Variants in SLIT1 observed in about 807,000 individuals in gnomAD.
The protein encoded by SLIT1 is slit homolog 1 protein.
A neutral mutation model predicts 186.1 loss-of-function variants in SLIT1; 66 were observed. That is an observed-to-expected ratio of 0.35 (90% CI 0.29 to 0.44). The LOEUF (loss-of-function observed/expected upper bound fraction) is 0.44, where lower values mean the gene tolerates loss of function less well. Among genes scored for constraint, SLIT1 ranks in the 20% least tolerant of loss-of-function variants. SLIT1 has a pLI of 1.00. For missense variants in SLIT1, 1,638 were observed against 2,037.4 expected (o/e 0.80, Z 3.77); for synonymous variants, 761 against 833.8 (o/e 0.91, Z 1.50).
chr10:97,041,559 C>T (rs1848690896), intron 20 of SLIT1, among the ~76,000 whole-genome samples: 1 of 151,158 alleles, frequency 6.6e-6, no homozygotes, highest in Admixed American at 6.6e-5. Flanking sequence ...GCAACCTCCA[C>T]CTCCCAAATT....
chr10:97,008,603 G>A (rs1335305309), intron 31 of SLIT1, among the ~76,000 whole-genome samples: 1 of 151,846 alleles, frequency 6.6e-6, no homozygotes, highest in Non-Finnish European at 1.5e-5. Context: ...GGCTGAGGCA[G>A]GAGAATTGCT....
chr10:97,157,770 A>T, intron 4 of SLIT1, 48 bp downstream of exon 4: 1 of 1,402,310 alleles, frequency 7.1e-7, no homozygotes, highest in Non-Finnish European at 1.0e-6. Flanking sequence ...CCACAGGGTG[A>T]GAGACAAAAC....
intron 4 of SLIT1, among the ~76,000 whole-genome samples, chr10:97,073,326 C>T (rs1377334070): frequency 7.2e-5 from 11 of 152,182 alleles, no homozygotes; most frequent in Admixed American, 5.2e-4. Context: ...TCCTCCCACG[C>T]GGCCTTGTCA....
chr10:97,169,873 C>T (rs1220098689), intron 1 of SLIT1, among the ~76,000 whole-genome samples: 1 of 152,240 alleles, frequency 6.6e-6, no homozygotes, highest in Non-Finnish European at 1.5e-5. Flanking sequence ...AAGCAACTTG[C>T]ATGGTGCCAC....
At chr10:97,051,427 G>A (rs1227300747) in intron 13 of SLIT1, among the ~76,000 whole-genome samples, 6 of 152,168 alleles carry the variant, frequency 3.9e-5, no homozygotes, top group Admixed American at 2.0e-4. Flanking sequence ...CCACTGGTGG[G>A]AATGTAAAAT....
chr10:97,138,333 G>T lies in SLIT1; in HGVS notation c.413+19485C>A, dbSNP rs978811853. Among the ~76,000 whole-genome samples, 6 of 152,236 alleles carry T rather than the reference G, an allele frequency of 3.9e-5. No homozygotes were observed. The East Asian group carries it at 1.2e-3, about 29-fold the overall frequency. ...GGCCTCCGGGTCACCTGTGCCTTCC[G>T]CAATGTACAGCTGACACCTGCATTC... is the stretch of plus-strand genomic sequence containing the variant. On this transcript the variant is annotated intron_variant, in intron 4 of 36. Transcript: ENST00000266058.
intron 31 of SLIT1, among the ~76,000 whole-genome samples, chr10:97,007,625 G>T (rs1265975347): frequency 6.6e-6 from 1 of 152,044 alleles, no homozygotes; most frequent in Non-Finnish European, 1.5e-5. Context: ...GGAATGCAAG[G>T]CTGGTTTGAC....
chr10:97,181,062 C>T lies in SLIT1; in HGVS notation c.197+4416G>A, dbSNP rs901936616. Among the ~76,000 whole-genome samples the T allele has an allele frequency of 5.3e-5, 8 of 152,326 alleles. No homozygotes were observed. In the East Asian group the frequency reaches 9.7e-4, roughly 18 times the overall value. On this transcript the variant is annotated intron_variant, in intron 1 of 36. Transcript: ENST00000266058. ...CCTCACTATCAACCTGCACAGCTGT[C>T]GTCGTCCCGTTTTACAGATGGGGAA...
chr10:97,148,289 C>CT (rs34334845), intron 4 of SLIT1, among the ~76,000 whole-genome samples: 251 of 144,790 alleles, frequency 1.7e-3, no homozygotes, highest in Middle Eastern at 3.6e-3. Context: ...TAGTACTAAG[C>CT]TTTTTTTTTT....
At chr10:97,071,321 G>A (rs1316868865) in intron 4 of SLIT1, among the ~76,000 whole-genome samples, 1 of 152,166 alleles carries the variant, frequency 6.6e-6, no homozygotes, top group Non-Finnish European at 1.5e-5. Flanking sequence ...GCCTGAGGAC[G>A]TCCACAGAGT....
chr10:97,001,807 A>G (rs964499713), intron 36 of SLIT1, among the ~76,000 whole-genome samples: 4 of 152,122 alleles, frequency 2.6e-5, no homozygotes, highest in African/African-American at 7.2e-5. Context: ...AGGGCCTGGG[A>G]AGGAGTCCCC....
chr10:97,016,257 C>T (rs969368350), intron 28 of SLIT1, among the ~76,000 whole-genome samples: 6 of 151,536 alleles, frequency 4.0e-5, no homozygotes, highest in Non-Finnish European at 7.4e-5. Context: ...TGCAGTGAGT[C>T]GAGATCTCGC....
intron 4 of SLIT1, among the ~76,000 whole-genome samples, chr10:97,112,969 C>T (rs911802735): frequency 6.6e-6 from 1 of 152,220 alleles, no homozygotes; most frequent in African/African-American, 2.4e-5. Context: ...GCTGGGATTA[C>T]AGGCATGAGC....
At chr10:97,037,802 CCACCTCTGGTGGT>C (rs756910466) in intron 21 of SLIT1, 36 bp from the exon 22 acceptor site, 1 of 1,567,670 alleles carries the variant, frequency 6.4e-7, no homozygotes, top group South Asian at 1.1e-5. Context: ...GTGCCCATCT[CCACCTCTGGTGGT>C]GCCCCATGCT....
chr10:97,049,534 C>T (rs1848769093), intron 13 of SLIT1, among the ~76,000 whole-genome samples: 1 of 152,228 alleles, frequency 6.6e-6, no homozygotes, highest in Non-Finnish European at 1.5e-5. Context: ...GTAACAAAAC[C>T]CAGGACTGCA....
intron 4 of SLIT1, among the ~76,000 whole-genome samples, chr10:97,084,036 G>A (rs1031359721): frequency 2.0e-5 from 3 of 152,154 alleles, no homozygotes; most frequent in Non-Finnish European, 4.4e-5. Context: ...TGGAAGTGAC[G>A]GCCAGCTCTG....
chr10:97,097,162 C>T (rs1197973768), intron 4 of SLIT1, among the ~76,000 whole-genome samples: 1 of 152,238 alleles, frequency 6.6e-6, no homozygotes, highest in Non-Finnish European at 1.5e-5. Flanking sequence ...ACACACACTC[C>T]TGCGTCTAAC....
At chr10:97,060,035 G>A (rs1589378308) in intron 10 of SLIT1, 52 bp downstream of exon 10, 5 of 1,483,770 alleles carry the variant, frequency 3.4e-6, no homozygotes, top group Non-Finnish European at 4.7e-6. Context: ...GACCACCCAG[G>A]ATCTCCGTCA....
chr10:96,998,140 T>G lies in SLIT1; in HGVS notation c.*2972A>C, dbSNP rs975226808. 6.6e-6 allele frequency: 1 copy of G among 152,196 alleles called. No individual in the cohort carries two copies. The highest frequency in any genetic ancestry group is 2.4e-5 in the African/African-American group (1 of 41,434). The allele number at this position is 152,196 out of a possible 1,614,324, so 9.4% of individuals were successfully genotyped here. A position where few individuals can be genotyped will look rare whatever the true frequency, so the allele number is the denominator to read the frequency against. On this transcript the variant is annotated 3_prime_UTR_variant, in exon 37 of 37. Transcript: ENST00000266058. ...AGGTGCAGCTCCCTCATGGGCCTGT[T>G]CTAAACCAGCCTCTAGGAGTTGATC...
Sources: allele counts gnomAD v4.1 joint callset (sites outside exome capture counted in the v4.1 genomes callset), GRCh38; gene constraint gnomAD v4.1.1; transcripts MANE v1.5; gene names NCBI Gene and HGNC (gene_info 2026-07-23, HGNC 2026-07-21).